The following RDX variants were observed in gnomAD, a reference collection of about 807,000 sequenced individuals.
RDX encodes radixin.
In RDX, 32 loss-of-function variants were observed where a neutral mutation model predicts 83.7. That is an observed-to-expected ratio of 0.38 (90% confidence interval 0.29 to 0.51). RDX has a LOEUF of 0.51. Ranked by LOEUF, RDX falls within the 20% of genes least tolerant of loss-of-function variation. RDX has a pLI of 0.87. For missense variants in RDX, 600 were observed against 689.9 expected, an observed-to-expected ratio of 0.87 and a Z score of 1.46; for synonymous variants, 229 against 222.7, an observed-to-expected ratio of 1.03 and a Z score of -0.25.
At chr11:110,198,955 A>T (rs886696842) in intron 15 of RDX, among the ~76,000 whole-genome samples, 3 of 151,986 alleles carry the variant, frequency 2.0e-5, no homozygotes, top group African/African-American at 7.3e-5. Flanking sequence ...AGCTGGGACT[A>T]CAGGCATGCA....
chr11:110,242,397 G>A (rs1167838348), intron 10 of RDX, among the ~76,000 whole-genome samples: 5 of 147,182 alleles, frequency 3.4e-5, no homozygotes, highest in Middle Eastern at 3.6e-3. Flanking sequence ...TTGCACAATC[G>A]CACTCCAGCC....
At chr11:110,203,754 G>A (rs144965405) in intron 14 of RDX, among the ~76,000 whole-genome samples, 79 of 151,914 alleles carry the variant, frequency 5.2e-4, no homozygotes, top group East Asian at 2.7e-3. Context: ...ACACACACAC[G>A]GTTGGTTACC....
intron 15 of RDX, among the ~76,000 whole-genome samples, chr11:110,198,805 T>G (rs1452933940): frequency 6.8e-6 from 1 of 147,880 alleles, no homozygotes; most frequent in Non-Finnish European, 1.5e-5. Context: ...CATTTTTAAG[T>G]AAATCTGAAT....
chr11:110,223,636 T>C (rs981887896), intron 14 of RDX, among the ~76,000 whole-genome samples: 2 of 152,070 alleles, frequency 1.3e-5, no homozygotes, highest in African/African-American at 4.8e-5. Context: ...GGCCTAAAAA[T>C]TGAGAACTAG....
Position 110,272,388 on chromosome 11 carries a change from T to C in RDX, c.96+148A>G, listed in dbSNP as rs962952530. On this transcript the variant is annotated intron_variant, in intron 3 of 13. Transcript: ENST00000645495. ...AGAATAAAGAATATCCCTACTGCTG[T>C]AGTAGGGATATCTGAATAGCTACTA... 4 of 686,666 alleles carry C rather than the reference T, an allele frequency of 5.8e-6. No individual in the cohort carries two copies. The Admixed American group carries it at 6.1e-5, about 10-fold the overall frequency. The allele number at this position is 686,666 out of a possible 1,614,324, so 42.5% of individuals were successfully genotyped here.
intron 10 of RDX, among the ~76,000 whole-genome samples, chr11:110,241,968 A>G (rs998369714): frequency 2.0e-5 from 3 of 152,218 alleles, no homozygotes. Flanking sequence ...TACAGGTAGA[A>G]TACTCAAAAT....
intron 9 of RDX, among the ~76,000 whole-genome samples, chr11:110,248,172 T>C (rs185027640): frequency 1.3e-5 from 2 of 152,106 alleles, no homozygotes; most frequent in African/African-American, 4.8e-5. Flanking sequence ...AATCTCAGAA[T>C]ACACAATGAT....
chr11:110,258,667 A>G (rs1383924951), intron 5 of RDX, among the ~76,000 whole-genome samples: 1 of 152,144 alleles, frequency 6.6e-6, no homozygotes, highest in Non-Finnish European at 1.5e-5. Flanking sequence ...ATAGATAAAG[A>G]CCAGACTGAA....
At chr11:110,270,159 G>C (rs529023730) in intron 3 of RDX, among the ~76,000 whole-genome samples, 1 of 152,038 alleles carries the variant, frequency 6.6e-6, no homozygotes, top group South Asian at 2.1e-4. Flanking sequence ...CTTAACGATG[G>C]GGATACATTC....
At chr11:110,180,093 G>T (rs1270384420) in intron 15 of RDX, among the ~76,000 whole-genome samples, 1 of 151,778 alleles carries the variant, frequency 6.6e-6, no homozygotes, top group African/African-American at 2.4e-5. Context: ...GTAGTGAAGG[G>T]GTTTCACCAT....
intron 14 of RDX, among the ~76,000 whole-genome samples, chr11:110,199,847 C>T (rs1286090485): frequency 2.0e-5 from 3 of 152,106 alleles, no homozygotes; most frequent in Non-Finnish European, 4.4e-5. Context: ...AATCTTTAAC[C>T]TCTTTTTTTT....
At chr11:110,258,636 T>TA (rs951873853) in intron 5 of RDX, among the ~76,000 whole-genome samples, 4 of 151,936 alleles carry the variant, frequency 2.6e-5, no homozygotes, top group South Asian at 2.1e-4. Flanking sequence ...AAACATTAGA[T>TA]AAAAAAATGG....
chr11:110,248,432 T>C (rs1051584129), intron 9 of RDX, among the ~76,000 whole-genome samples: 2 of 152,158 alleles, frequency 1.3e-5, no homozygotes, highest in Non-Finnish European at 2.9e-5. Flanking sequence ...TTCCAATGTA[T>C]TACTTATTGT....
chr11:110,237,543 CT>C lies in RDX; in HGVS notation c.1199del (p.Lys400SerfsTer4), dbSNP rs1488115771. The C allele has an allele frequency of 6.2e-7, 1 of 1,613,384 alleles. No individual in the cohort carries two copies. Among genetic ancestry groups the C allele is most frequent in the East Asian group, 2.2e-5 (1 of 44,904 alleles). On this transcript the variant is annotated frameshift_variant, in exon 11 of 14. Coordinates refer to ENST00000645495, the MANE Select transcript of RDX (RefSeq NM_002906.4). LOFTEE classifies it high-confidence loss of function. Reference protein sequence around the residue: ...EKERRAAEEAKSAIAKQAADQ... With the variant: ...EKERRAAEEAXSAIAKQAADQ... The stretch of plus-strand genomic sequence containing the variant: ...CGGCAGCTTGTTTTGCTATGGCAGA[CT>C]TTGCCTCTTCAGCAGCTCGACGCTC...
At chr11:110,224,252 C>T (rs1371106505) in intron 14 of RDX, among the ~76,000 whole-genome samples, 1 of 151,408 alleles carries the variant, frequency 6.6e-6, no homozygotes, top group Non-Finnish European at 1.5e-5. Context: ...CAAAACCCTT[C>T]GAATTTCTTC....
chr11:110,205,764 A>G (rs1477031907), intron 14 of RDX, among the ~76,000 whole-genome samples: 1 of 152,232 alleles, frequency 6.6e-6, no homozygotes, highest in African/African-American at 2.4e-5. Flanking sequence ...TGTGGCGAAG[A>G]TGTGGATATA....
intron 10 of RDX, among the ~76,000 whole-genome samples, chr11:110,243,377 TA>T (rs991800077): frequency 2.0e-5 from 3 of 152,098 alleles, no homozygotes; most frequent in African/African-American, 7.2e-5. Context: ...GAAGAAGTGA[TA>T]AGGACATAGA....
chr11:110,265,297 G>A (rs2134384453), intron 3 of RDX, among the ~76,000 whole-genome samples: 1 of 151,676 alleles, frequency 6.6e-6, no homozygotes, highest in Admixed American at 6.6e-5. Context: ...TCACCATGTT[G>A]GCCAGGTTGG....
At chr11:110,177,631 G>A (rs573325918) in intron 15 of RDX, among the ~76,000 whole-genome samples, 7 of 152,270 alleles carry the variant, frequency 4.6e-5, no homozygotes, top group Non-Finnish European at 5.9e-5. Context: ...GGCCTGGCCT[G>A]GGAGCTCTTT....
Sources: gnomAD v4.1 joint callset for allele counts (sites outside exome capture counted in the v4.1 genomes callset) on GRCh38, gnomAD v4.1.1 for gene constraint, MANE v1.5 for transcripts, NCBI Gene and HGNC (gene_info 2026-07-23, HGNC 2026-07-21) for gene names.